Variants in IKZF1 observed in about 807,000 individuals in gnomAD.
IKZF1 encodes DNA-binding protein Ikaros.
In IKZF1, 10 loss-of-function variants were observed where a neutral mutation model predicts 51.7. That is an observed-to-expected ratio of 0.19 (90% CI 0.12 to 0.33). IKZF1 has a LOEUF of 0.33. IKZF1 is among the 10% of genes least tolerant of loss of function. IKZF1 has a pLI of 1.00. For synonymous variants in IKZF1, 280 were observed against 282.3 expected (o/e 0.99, Z 0.08); for missense variants, 484 against 707.5 (o/e 0.68, Z 3.58).
At chr7:50,394,919 TG>T (rs777815885) in intron 7 of IKZF1, among the ~76,000 whole-genome samples, 21 of 152,244 alleles carry the variant, frequency 1.4e-4, no homozygotes, top group Non-Finnish European at 2.1e-4. Context: ...TGATAATTGT[TG>T]TTTTTAGTCT....
chr7:50,325,579 T>C (rs1250452064), intron 2 of IKZF1, among the ~76,000 whole-genome samples: 2 of 152,104 alleles, frequency 1.3e-5, no homozygotes, highest in Admixed American at 6.6e-5. Context: ...CGAGACCATC[T>C]TGGCTAACAC....
chr7:50,359,299 C>T (rs528433717), intron 3 of IKZF1, among the ~76,000 whole-genome samples: 18 of 152,310 alleles, frequency 1.2e-4, no homozygotes, highest in African/African-American at 4.3e-4. Flanking sequence ...TGCAACAAGT[C>T]ACAATTCCTT....
rs1383904016 is a variant in IKZF1 at position 50,404,365 on chromosome 7, T to C, written c.*3738T>C. ...AACAAGGGATGTACCACTGGAGGAA[T>C]AGAGTATCCTTTTGTACACATTTTG... is the stretch of plus-strand genomic sequence containing the variant. On this transcript the variant is annotated 3_prime_UTR_variant, in exon 8 of 8. Coordinates refer to ENST00000331340, the MANE Select transcript of IKZF1 (RefSeq NM_006060.6). The C allele has an allele frequency of 4.4e-6, 1 of 225,896 alleles. No homozygotes were observed. Among genetic ancestry groups the C allele is most frequent in the African/African-American group, 2.2e-5 (1 of 44,880 alleles). The allele number at this position is 225,896 out of a possible 1,614,324, so 14.0% of individuals were successfully genotyped here. A position where few individuals can be genotyped will look rare whatever the true frequency, so the allele number is the denominator to read the frequency against.
intron 3 of IKZF1, among the ~76,000 whole-genome samples, chr7:50,357,686 AG>A (rs1803879858): frequency 6.6e-6 from 1 of 152,172 alleles, no homozygotes; most frequent in Non-Finnish European, 1.5e-5. Context: ...GGAATGCCCA[AG>A]TTGGAGATGG....
chr7:50,329,940 A>G (rs1796070381), intron 3 of IKZF1, among the ~76,000 whole-genome samples: 1 of 152,224 alleles, frequency 6.6e-6, no homozygotes, highest in Non-Finnish European at 1.5e-5. Context: ...ATTCCTGGAG[A>G]GTGAAGAATA....
chr7:50,328,496 G>A (rs1227970854), intron 3 of IKZF1: 1 of 152,192 alleles, frequency 6.6e-6, no homozygotes, highest in African/African-American at 2.4e-5. Context: ...ATGTTCTAAT[G>A]AGCTAATGAG....
At chr7:50,333,826 T>C (rs1796955312) in intron 3 of IKZF1, among the ~76,000 whole-genome samples, 1 of 152,246 alleles carries the variant, frequency 6.6e-6, no homozygotes, top group Non-Finnish European at 1.5e-5. Context: ...GAAAATTCTA[T>C]GTTATTCATC....
chr7:50,320,953 A>G (rs1341985838), intron 2 of IKZF1, among the ~76,000 whole-genome samples: 13 of 152,264 alleles, frequency 8.5e-5, no homozygotes, highest in Admixed American at 8.5e-4. Context: ...TAAGGAGGAT[A>G]TGAATGAACT....
At chr7:50,327,540 C>G in intron 2 of IKZF1, 98 bp from the exon 3 acceptor site, 2 of 1,422,292 alleles carry the variant, frequency 1.4e-6, no homozygotes, top group South Asian at 2.9e-5. Flanking sequence ...CCACCCAGTA[C>G]CTGCCTCCTC....
intron 2 of IKZF1, among the ~76,000 whole-genome samples, chr7:50,321,098 C>T (rs960860127): frequency 5.9e-5 from 9 of 152,028 alleles, no homozygotes; most frequent in Non-Finnish European, 1.0e-4. Context: ...TTGCCCATAA[C>T]GTTTAGGAAA....
At chr7:50,364,032 T>C (rs1402089808) in intron 3 of IKZF1, among the ~76,000 whole-genome samples, 1 of 152,244 alleles carries the variant, frequency 6.6e-6, no homozygotes, top group Non-Finnish European at 1.5e-5. Flanking sequence ...CAGCATTTTT[T>C]CTAAATTTTA....
chr7:50,334,796 G>T (rs1242074317), intron 3 of IKZF1, among the ~76,000 whole-genome samples: 1 of 151,050 alleles, frequency 6.6e-6, no homozygotes, highest in Admixed American at 6.6e-5. Context: ...GTATATGTGT[G>T]TGGGATGCAT....
intron 3 of IKZF1, among the ~76,000 whole-genome samples, chr7:50,332,606 AG>A (rs1451938151): frequency 2.7e-4 from 41 of 152,306 alleles, no homozygotes; most frequent in Non-Finnish European, 4.9e-4. Context: ...GAAAAAACCC[AG>A]GGCAGAGGCA....
At chr7:50,319,702 A>G (rs573021329) in intron 2 of IKZF1, among the ~76,000 whole-genome samples, 19 of 152,314 alleles carry the variant, frequency 1.2e-4, no homozygotes, top group African/African-American at 4.6e-4. Flanking sequence ...GCATGGACAT[A>G]GGAAGACAGC....
chr7:50,376,625 C>A lies in IKZF1; in HGVS notation c.253C>A (p.Leu85Ile). Residue 85 changes from leucine to isoleucine, a missense_variant, in exon 4 of 8, where the codon CTT becomes ATT. Leu to Ile is a conservative substitution (Grantham distance 5). Around this residue, in one of 6 missense-constraint regions of IKZF1, gnomAD observed 118 missense variants for 138.4 expected, o/e 0.85. Coordinates refer to ENST00000331340, the MANE Select transcript of IKZF1 (RefSeq NM_006060.6). This position sits in a 1 kb window ranked among gnomAD's most constrained non-coding sequence, Gnocchi z 4.5. ...AGAATGTGCGGAGGATTTACGAATGCTTGATGCCTCGGGAGAGAAAATGAA... is the reference window on the plus strand; with the variant it reads ...AGAATGTGCGGAGGATTTACGAATGATTGATGCCTCGGGAGAGAAAATGAA... ...GEECAEDLRM[L>I]DASGEKMNGS... The A allele has an allele frequency of 6.2e-7, 1 of 1,613,988 alleles. No homozygotes were observed.
rs1464989263 is a variant in IKZF1, at chr7:50,404,153, C to A, written c.*3526C>A. On this transcript the variant is annotated 3_prime_UTR_variant, in exon 8 of 8. Transcript: ENST00000331340. ...TTAATATGCAATATTGTTTCCAATA[C>A]TTTCTAATACAGTTTTTTATAATGT... 1 of 214,794 alleles carries A rather than the reference C, an allele frequency of 4.7e-6. No individual in the cohort carries two copies. Among genetic ancestry groups the A allele is most frequent in the Non-Finnish European group, 9.4e-6 (1 of 106,104 alleles). 13.3% of individuals were successfully genotyped at this position (214,794 alleles called of 1,614,324 possible). A position where few individuals can be genotyped will look rare whatever the true frequency, so the allele number is the denominator to read the frequency against.
Position 50,314,353 on chromosome 7 carries a change from G to A in IKZF1, c.-14-4695G>A, listed in dbSNP as rs534271850. Among the ~76,000 whole-genome samples, 15 of 152,180 alleles carry A rather than the reference G, an allele frequency of 9.9e-5. No homozygotes were observed. The East Asian group carries it at 2.1e-3, about 22-fold the overall frequency. On this transcript the variant is annotated intron_variant, in intron 1 of 7. Transcript: ENST00000331340. ...TCTTGATCTCCTGACCTCATGATCC[G>A]CCTGCCTCGGCCTCCCAAAGTGCTG... is the stretch of plus-strand genomic sequence containing the variant.
At chr7:50,319,984 T>A (rs1584447190) in intron 2 of IKZF1, among the ~76,000 whole-genome samples, 1 of 152,140 alleles carries the variant, frequency 6.6e-6, no homozygotes, top group Non-Finnish European at 1.5e-5. Context: ...CTGGGGAAGG[T>A]GCAGGAGAGG....
rs1025336389 is a variant in IKZF1 at position 50,405,060 on chromosome 7, G to A, written c.*4433G>A. On this transcript the variant is annotated 3_prime_UTR_variant, in exon 8 of 8. Coordinates refer to ENST00000331340, the MANE Select transcript of IKZF1 (RefSeq NM_006060.6). ...CTGATGGATGTGTCACACCTTTTCTGTCAAAATAAAATGTCTTGGAGGTTA... is the reference window on the plus strand; with the variant it reads ...CTGATGGATGTGTCACACCTTTTCTATCAAAATAAAATGTCTTGGAGGTTA... The A allele has an allele frequency of 2.6e-5, 5 of 193,530 alleles. 1 individual carries two copies. In the East Asian group the frequency reaches 4.0e-4, roughly 16 times the overall value. The allele number at this position is 193,530 out of a possible 1,614,324, so 12.0% of individuals were successfully genotyped here.
Sources: allele counts gnomAD v4.1 joint callset (sites outside exome capture counted in the v4.1 genomes callset), GRCh38; gene constraint gnomAD v4.1.1; regional missense constraint gnomAD v4.1.1; non-coding constraint Gnocchi (gnomAD v3.1); transcripts MANE v1.5; gene names NCBI Gene and HGNC (gene_info 2026-07-23, HGNC 2026-07-21).